Variants in FUBP3 observed in about 807,000 individuals in gnomAD.
FUBP3 encodes far upstream element-binding protein 3.
FUBP3 carries 28 observed loss-of-function variants against 85.6 expected under a neutral mutation model. That is an observed-to-expected ratio of 0.33 (90% confidence interval 0.24 to 0.45). The LOEUF (loss-of-function observed/expected upper bound fraction) is 0.45. Among genes scored for constraint, FUBP3 ranks in the 20% least tolerant of loss-of-function variants. The pLI, the probability that FUBP3 is intolerant of heterozygous loss-of-function variation, is 1.00. For synonymous variants in FUBP3, 271 were observed against 271.4 expected, an observed-to-expected ratio of 1.00 and a Z score of 0.01; for missense variants, 583 against 755.1, an observed-to-expected ratio of 0.77 and a Z score of 2.67.
chr9:130,620,052 G>A (rs780798828), intron 8 of FUBP3, among the ~76,000 whole-genome samples: 15 of 152,206 alleles, frequency 9.9e-5, no homozygotes, highest in Non-Finnish European at 1.8e-4. Context: ...ATTTAAAAAT[G>A]TAAAAACACC....
intron 6 of FUBP3, among the ~76,000 whole-genome samples, chr9:130,615,767 C>T (rs1372139882): frequency 6.6e-6 from 1 of 152,202 alleles, no homozygotes; most frequent in African/African-American, 2.4e-5. Flanking sequence ...AGCACCGCCT[C>T]CCCCTTTCCC....
At chr9:130,582,450 CA>C (rs71387370) in intron 1 of FUBP3, among the ~76,000 whole-genome samples, 10,269 of 124,578 alleles carry the variant, frequency 0.082, 403 homozygotes, top group African/African-American at 0.14. Context: ...GACACTGTCT[CA>C]AAAAAAAAAA....
chr9:130,600,431 C>T (rs1831099588), intron 2 of FUBP3, among the ~76,000 whole-genome samples: 1 of 152,102 alleles, frequency 6.6e-6, no homozygotes, highest in Non-Finnish European at 1.5e-5. Context: ...AAATTTAAGA[C>T]AATAGTATTA....
At chr9:130,611,251 CA>C (rs1831729750) in intron 3 of FUBP3, among the ~76,000 whole-genome samples, 1 of 152,168 alleles carries the variant, frequency 6.6e-6, no homozygotes, top group African/African-American at 2.4e-5. Context: ...GCCACACGCA[CA>C]AGAGCCCTGT....
chr9:130,584,950 G>A (rs1166463352), intron 1 of FUBP3, among the ~76,000 whole-genome samples: 1 of 151,936 alleles, frequency 6.6e-6, no homozygotes, highest in Non-Finnish European at 1.5e-5. Flanking sequence ...ATCACTTGAG[G>A]TCAGGATGAG....
At position 130,612,821 on chromosome 9, in the gene FUBP3, A is replaced by C; in HGVS notation, c.275-135A>C. 1.5e-6 allele frequency: 1 copy of C among 667,032 alleles called. No homozygotes were observed. Among genetic ancestry groups the C allele is most frequent in the South Asian group, 1.8e-5 (1 of 54,842 alleles). The allele number at this position is 667,032 out of a possible 1,614,324, so 41.3% of individuals were successfully genotyped here. ...CTGCCATCATGCCCAAAGAGTGGAG[A>C]TGGGCTCACGGGGGCCAACTCGATG... On this transcript the variant is annotated intron_variant, in intron 4 of 18. Transcript: ENST00000319725. This position sits in a 1 kb window ranked among gnomAD's most constrained non-coding sequence, Gnocchi z 4.1.
At chr9:130,596,477 G>T (rs577977911) in intron 2 of FUBP3, among the ~76,000 whole-genome samples, 1 of 151,444 alleles carries the variant, frequency 6.6e-6, no homozygotes, top group East Asian at 1.9e-4. Context: ...AATATAATTT[G>T]CCATGACTCA....
At chr9:130,634,065 C>T (rs1439100111) in intron 16 of FUBP3, among the ~76,000 whole-genome samples, 2 of 152,202 alleles carry the variant, frequency 1.3e-5, no homozygotes, top group Non-Finnish European at 2.9e-5. Flanking sequence ...GCTCTGTTCC[C>T]CCATGCTGGC....
At chr9:130,609,167 G>C (rs577996915) in intron 2 of FUBP3, among the ~76,000 whole-genome samples, 4 of 152,128 alleles carry the variant, frequency 2.6e-5, no homozygotes, top group Non-Finnish European at 5.9e-5. Flanking sequence ...AATCATTTTT[G>C]CTGATGGCTG....
rs1437398870 is a variant in FUBP3, at chr9:130,612,098, AC to A, written c.225-356del. 3.3e-5 allele frequency among the ~76,000 whole-genome samples: 5 copies of A among 152,224 alleles called. No individual in the cohort carries two copies. Among genetic ancestry groups the A allele is most frequent in the Non-Finnish European group, 7.3e-5 (5 of 68,042 alleles). ...CAAAACCCTGGAGGACCTTTCAGTG[AC>A]CTGGGATTGATGGCCCATTGGTTAG... On this transcript the variant is annotated intron_variant, in intron 3 of 18. Transcript: ENST00000319725. The surrounding 1 kb of genome is among the most constrained non-coding windows in gnomAD (Gnocchi z 4.1).
At chr9:130,606,586 T>C (rs564288486) in intron 2 of FUBP3, among the ~76,000 whole-genome samples, 18 of 152,122 alleles carry the variant, frequency 1.2e-4, no homozygotes, top group Non-Finnish European at 1.6e-4. Context: ...TTTGGGAGGC[T>C]AAAGTGGGCG....
At chr9:130,593,374 C>T (rs1424277854) in intron 1 of FUBP3, among the ~76,000 whole-genome samples, 3 of 152,244 alleles carry the variant, frequency 2.0e-5, no homozygotes, top group African/African-American at 4.8e-5. Context: ...GCCCATCACA[C>T]AGTAGGTACT....
chr9:130,631,824 C>G, intron 14 of FUBP3, 118 bp from the exon 15 acceptor site: 1 of 873,694 alleles, frequency 1.1e-6, no homozygotes, highest in East Asian at 2.4e-5. Flanking sequence ...GTGGGAGCCT[C>G]TCAGAGGGCA....
intron 10 of FUBP3, among the ~76,000 whole-genome samples, chr9:130,623,012 G>A (rs548062651): frequency 3.9e-4 from 59 of 152,178 alleles, no homozygotes; most frequent in African/African-American, 1.4e-3. Flanking sequence ...CCGGATACAT[G>A]TCGGTCACCT....
intron 2 of FUBP3, among the ~76,000 whole-genome samples, chr9:130,598,982 G>C (rs1171347700): frequency 6.6e-6 from 1 of 152,168 alleles, no homozygotes; most frequent in Middle Eastern, 3.2e-3. Context: ...GGGCAACATA[G>C]CAAAACCGTA....
chr9:130,622,320 CAAA>C (rs917479721), intron 9 of FUBP3, among the ~76,000 whole-genome samples: 4 of 44,344 alleles, frequency 9.0e-5, no homozygotes, highest in Non-Finnish European at 9.4e-5. Context: ...ACTCCATCTC[CAAA>C]AAAAAAAAAA....
chr9:130,589,015 T>C (rs1830469295), intron 1 of FUBP3, among the ~76,000 whole-genome samples: 1 of 152,190 alleles, frequency 6.6e-6, no homozygotes, highest in Non-Finnish European at 1.5e-5. Context: ...CTCTGCTTGC[T>C]GTATCCATGC....
chr9:130,621,904 C>CA (rs904626026), intron 9 of FUBP3, among the ~76,000 whole-genome samples: 41 of 134,372 alleles, frequency 3.1e-4, no homozygotes, highest in Middle Eastern at 8.3e-3. Context: ...GACTCTGTCT[C>CA]AAAAAAAAAG....
intron 1 of FUBP3, among the ~76,000 whole-genome samples, chr9:130,584,834 A>T (rs1417818055): frequency 6.6e-6 from 1 of 151,180 alleles, no homozygotes; most frequent in African/African-American, 2.4e-5. Context: ...GTGCCACTGC[A>T]CTCCAGCCTG....
Sources: gnomAD v4.1 joint callset for allele counts (sites outside exome capture counted in the v4.1 genomes callset) on GRCh38, gnomAD v4.1.1 for gene constraint, Gnocchi (gnomAD v3.1) non-coding constraint, MANE v1.5 for transcripts, NCBI Gene and HGNC (gene_info 2026-07-23, HGNC 2026-07-21) for gene names.